Variants in SUGCT observed in about 807,000 individuals in gnomAD.
SUGCT encodes succinyl-CoA:glutarate-CoA transferase.
In SUGCT, 41 loss-of-function variants were observed where a neutral mutation model predicts 55.0. The ratio of observed to expected loss-of-function variants is 0.74; its 90% confidence interval spans 0.58 to 0.97. SUGCT has a LOEUF of 0.97. SUGCT is among the 50% of genes least tolerant of loss of function. The probability of loss-of-function intolerance (pLI) is 0.00; values close to 1 mark genes in which losing one functional copy is unlikely to be tolerated. For synonymous variants in SUGCT, 187 were observed against 200.4 expected (o/e 0.93, Z 0.56); for missense variants, 568 against 547.8 (o/e 1.04, Z -0.37).
At chr7:40,883,391 T>C in the SUGCT span, among the ~76,000 whole-genome samples, 9 of 152,198 alleles carry the variant, frequency 5.9e-5, no homozygotes, top group African/African-American at 1.9e-4. Flanking sequence ...TCTTCGAGTT[T>C]CTTTTATTTG....
chr7:40,267,876 C>T (rs1490171207), intron 7 of SUGCT, among the ~76,000 whole-genome samples: 2 of 152,190 alleles, frequency 1.3e-5, no homozygotes, highest in Non-Finnish European at 2.9e-5. Flanking sequence ...ATAGCCACCT[C>T]AGAATTGTAC....
chr7:40,459,328 C>A, intron 11 of SUGCT, 130 bp downstream of exon 11: 1 of 610,270 alleles, frequency 1.6e-6, no homozygotes, highest in Non-Finnish European at 2.7e-6. Flanking sequence ...ACAAAACTGG[C>A]TGGTGGAGAG....
At chr7:40,181,141 TATC>T (rs1422275412) in intron 2 of SUGCT, 143 bp downstream of exon 2, 4 of 688,170 alleles carry the variant, frequency 5.8e-6, no homozygotes, top group Admixed American at 2.6e-5. Context: ...ATTGCTGTAA[TATC>T]ATCATTCTAT....
At position 40,293,805 on chromosome 7, in the gene SUGCT, A is replaced by G. The variant is rs1390114030; in HGVS notation, c.720+19149A>G. ...AAATTAAATGGCATTGACTTTCCCC[A>G]AATAATTTTTAATCAAAACTGAAGT... On this transcript the variant is annotated intron_variant, in intron 8 of 13. Transcript: ENST00000335693. 2.6e-5 allele frequency among the ~76,000 whole-genome samples: 4 copies of G among 152,192 alleles called. No homozygotes were observed. In the South Asian group the frequency reaches 8.3e-4, roughly 31 times the overall value.
chr7:40,188,454 A>C (rs1562563139), intron 3 of SUGCT, 41 bp from the exon 4 acceptor site: 3 of 1,320,394 alleles, frequency 2.3e-6, no homozygotes, highest in East Asian at 2.5e-5. Context: ...AAAAAAAAAA[A>C]ACAAACCCCA....
At chr7:40,514,571 G>T (rs1273445988) in intron 12 of SUGCT, among the ~76,000 whole-genome samples, 1 of 151,838 alleles carries the variant, frequency 6.6e-6, no homozygotes, top group Non-Finnish European at 1.5e-5. Context: ...TTAGCCGTGT[G>T]TGGTGGCACA....
chr7:40,250,773 G>A (rs1441224322), intron 7 of SUGCT, among the ~76,000 whole-genome samples: 3 of 151,026 alleles, frequency 2.0e-5, no homozygotes, highest in Non-Finnish European at 4.4e-5. Flanking sequence ...AAGATCCTGT[G>A]GGGGTTGAGA....
the SUGCT span, among the ~76,000 whole-genome samples, chr7:40,952,283 G>A: frequency 1.4e-4 from 21 of 151,914 alleles, no homozygotes; most frequent in South Asian, 6.3e-4. Context: ...AACCCCTGCC[G>A]TTTTTTATTT....
intron 8 of SUGCT, among the ~76,000 whole-genome samples, chr7:40,310,239 A>C (rs1472704438): frequency 6.6e-6 from 1 of 152,236 alleles, no homozygotes; most frequent in Non-Finnish European, 1.5e-5. Flanking sequence ...TTAAAACCTC[A>C]TAACTCCAGT....
rs191746893 is a variant in SUGCT at position 40,305,862 on chromosome 7, A to G, written c.721-10898A>G. Among the ~76,000 whole-genome samples, 28 of 152,026 alleles carry G rather than the reference A, an allele frequency of 1.8e-4. 1 individual carries two copies. The East Asian group carries it at 5.2e-3, about 28-fold the overall frequency. On this transcript the variant is annotated intron_variant, in intron 8 of 13. Coordinates refer to ENST00000335693, the MANE Select transcript of SUGCT (RefSeq NM_001193313.2). ...TTATTCTTAGCTGAGAAGAGGTCTT[A>G]CTATATTGCCCAGGCTGATCTTGAA... is the stretch of plus-strand genomic sequence containing the variant.
rs1334875876 is a variant in SUGCT, at chr7:40,193,021, C to A, written c.364-1919C>A. Among the ~76,000 whole-genome samples, 3 of 149,326 alleles carry A rather than the reference C, an allele frequency of 2.0e-5. No individual in the cohort carries two copies. The Admixed American group carries it at 2.0e-4, about 10-fold the overall frequency. On this transcript the variant is annotated intron_variant, in intron 5 of 13. Coordinates refer to ENST00000335693, the MANE Select transcript of SUGCT (RefSeq NM_001193313.2). ...TCACTCTGTTGCCCAGGCTGGAGTG[C>A]AGTAGTGAGAATTTGGCTCACTGCA...
Position 40,139,152 on chromosome 7 carries a change from A to C in SUGCT, c.100+4032A>C, listed in dbSNP as rs568805537. 3.5e-3 allele frequency among the ~76,000 whole-genome samples: 514 copies of C among 147,586 alleles called. 2 individuals are homozygous for C. The highest frequency in any genetic ancestry group is 0.013 in the African/African-American group (482 of 37,928). ...AAAATAAATAAATAAATAAATAAAT[A>C]AATAAATAAATAAATAAATAAATAA... On this transcript the variant is annotated intron_variant, in intron 1 of 13. Coordinates refer to ENST00000335693, the MANE Select transcript of SUGCT (RefSeq NM_001193313.2).
chr7:40,579,112 C>T (rs1306144499), intron 12 of SUGCT, among the ~76,000 whole-genome samples: 1 of 152,002 alleles, frequency 6.6e-6, no homozygotes, highest in African/African-American at 2.4e-5. Context: ...AGCTTGCTGT[C>T]TAGTGGACTA....
chr7:40,945,118 A>T, the SUGCT span, among the ~76,000 whole-genome samples: 5 of 152,134 alleles, frequency 3.3e-5, no homozygotes, highest in Non-Finnish European at 7.4e-5. Flanking sequence ...AGCTGTGGCT[A>T]AAACAGGTGG....
intron 9 of SUGCT, among the ~76,000 whole-genome samples, chr7:40,319,215 T>C (rs1795598499): frequency 1.3e-5 from 2 of 152,204 alleles, no homozygotes; most frequent in African/African-American, 4.8e-5. Flanking sequence ...ATCTACCAGG[T>C]TATTTCCTCA....
At chr7:40,348,059 AAG>A (rs569041669) in intron 9 of SUGCT, among the ~76,000 whole-genome samples, 4 of 152,202 alleles carry the variant, frequency 2.6e-5, no homozygotes, top group Non-Finnish European at 5.9e-5. Context: ...GCAAGGGTAA[AAG>A]AGAGAGCTGG....
chr7:40,281,716 C>T (rs1435838788), intron 8 of SUGCT, among the ~76,000 whole-genome samples: 1 of 152,164 alleles, frequency 6.6e-6, no homozygotes, highest in Non-Finnish European at 1.5e-5. Context: ...GTAATCAAAA[C>T]AGCATGGCAT....
At chr7:40,713,581 C>G (rs1276686178) in intron 12 of SUGCT, among the ~76,000 whole-genome samples, 1 of 152,188 alleles carries the variant, frequency 6.6e-6, no homozygotes, top group African/African-American at 2.4e-5. Flanking sequence ...CCTTGCAAGT[C>G]CTACCAAGGC....
At chr7:40,576,385 C>T (rs1010776808) in intron 12 of SUGCT, among the ~76,000 whole-genome samples, 1 of 152,202 alleles carries the variant, frequency 6.6e-6, no homozygotes. Flanking sequence ...AAGGTCTGCC[C>T]TCACCAGAGG....
Sources: gnomAD v4.1 joint callset for allele counts (sites outside exome capture counted in the v4.1 genomes callset) on GRCh38, gnomAD v4.1.1 for gene constraint, MANE v1.5 for transcripts, NCBI Gene and HGNC (gene_info 2026-07-23, HGNC 2026-07-21) for gene names.